Variants in ROCK1 observed in about 807,000 individuals in gnomAD.
ROCK1 encodes the protein Rho associated coiled-coil containing protein kinase 1, also known as rho-associated protein kinase 1.
A neutral mutation model predicts 196.8 loss-of-function variants in ROCK1; 36 were observed. The ratio of observed to expected loss-of-function variants is 0.18; its 90% CI spans 0.14 to 0.24. The LOEUF (loss-of-function observed/expected upper bound fraction) is 0.24, where lower values mean the gene tolerates loss of function less well. ROCK1 is among the 10% of genes least tolerant of loss of function. ROCK1 has a pLI of 1.00. For synonymous variants in ROCK1, 443 were observed against 515.9 expected (o/e 0.86, Z 1.91); for missense variants, 920 against 1,562.0 (o/e 0.59, Z 6.93).
intron 16 of ROCK1, among the ~76,000 whole-genome samples, chr18:21,002,904 C>T (rs888149117): frequency 5.3e-5 from 8 of 151,924 alleles, no homozygotes; most frequent in African/African-American, 1.2e-4. Flanking sequence ...CCATACCTCG[C>T]TAATTTTTTA....
intron 27 of ROCK1, among the ~76,000 whole-genome samples, chr18:20,964,433 G>C (rs777401568): frequency 6.6e-6 from 1 of 151,886 alleles, no homozygotes; most frequent in Non-Finnish European, 1.5e-5. Flanking sequence ...GTAAATGGTG[G>C]ATTTAATACA....
chr18:21,042,370 TA>T (rs1158658068), intron 7 of ROCK1, 135 bp from the exon 8 acceptor site: 8 of 981,432 alleles, frequency 8.2e-6, no homozygotes, highest in Non-Finnish European at 1.2e-5. Flanking sequence ...ACCTAATATA[TA>T]AAAGAACACA....
Position 21,041,024 on chromosome 18 carries a change from G to A in ROCK1, c.959+1073C>T, listed in dbSNP as rs148515550. On this transcript the variant is annotated intron_variant, in intron 8 of 32. Transcript: ENST00000399799. The stretch of plus-strand genomic sequence containing the variant: ...TAGTCACAGCTACTTGGGAGGCTGA[G>A]GCAGGAGAATCACTTGAATCCGGGA... Among the ~76,000 whole-genome samples the A allele has an allele frequency of 9.8e-3, 1,487 of 152,048 alleles. 19 individuals are homozygous for A. Among genetic ancestry groups the A allele is most frequent in the African/African-American group, 0.034 (1,428 of 41,474 alleles).
At position 20,967,872 on chromosome 18, in the gene ROCK1, T is replaced by A. The variant is rs180848671; in HGVS notation, c.3072A>T (p.Thr1024=). Residue 1024 remains threonine (T), a synonymous_variant, in exon 26 of 33, where the codon ACA becomes ACT. Transcript: ENST00000399799. ...DFKIDRKKAN[T]QDLRKKEKEN... The stretch of plus-strand genomic sequence containing the variant: ...CCTTTTCTTTCTTTCTCAAATCTTG[T>A]GTATTAGCTTTCTTTCTATCAATTT... The A allele has an allele frequency of 6.2e-7, 1 of 1,602,240 alleles. No homozygotes were observed. The highest frequency in any genetic ancestry group is 1.3e-5 in the African/African-American group (1 of 74,652).
At chr18:20,957,889 C>T (rs2035261029) in intron 29 of ROCK1, among the ~76,000 whole-genome samples, 1 of 152,034 alleles carries the variant, frequency 6.6e-6, no homozygotes, top group African/African-American at 2.4e-5. Context: ...CTCAGGCCAA[C>T]CGCCCACCTT....
At chr18:21,085,788 T>A (rs1481414471) in intron 1 of ROCK1, among the ~76,000 whole-genome samples, 8 of 152,240 alleles carry the variant, frequency 5.3e-5, no homozygotes, top group African/African-American at 1.9e-4. Flanking sequence ...AATGTTCTCA[T>A]CTGTAAAACA....
intron 1 of ROCK1, among the ~76,000 whole-genome samples, chr18:21,106,095 C>T (rs554669440): frequency 6.6e-6 from 1 of 152,290 alleles, no homozygotes; most frequent in East Asian, 1.9e-4. Context: ...TAGAACTCAA[C>T]AGGCACTATT....
intron 2 of ROCK1, among the ~76,000 whole-genome samples, chr18:21,068,144 TAAGGA>T (rs1383823289): frequency 2.0e-5 from 3 of 152,228 alleles, no homozygotes; most frequent in Admixed American, 2.0e-4. Context: ...AAAACTTGCC[TAAGGA>T]AAGTGGCAAA....
chr18:21,074,912 T>C (rs1413558008), intron 1 of ROCK1, among the ~76,000 whole-genome samples: 1 of 151,784 alleles, frequency 6.6e-6, no homozygotes, highest in Non-Finnish European at 1.5e-5. Context: ...TATGAAGGAA[T>C]AAGACAGAAG....
At chr18:21,104,227 T>G (rs1304867708) in intron 1 of ROCK1, among the ~76,000 whole-genome samples, 3 of 152,222 alleles carry the variant, frequency 2.0e-5, no homozygotes, top group South Asian at 4.1e-4. Context: ...TGTAAAGTTA[T>G]GCAAAGTCTA....
chr18:20,968,170 T>A (rs16978270), intron 25 of ROCK1, among the ~76,000 whole-genome samples: 1 of 152,174 alleles, frequency 6.6e-6, no homozygotes, highest in Non-Finnish European at 1.5e-5. Flanking sequence ...TACAACCCAG[T>A]ACTGAATCAA....
chr18:21,101,182 G>T (rs1219894670), intron 1 of ROCK1, among the ~76,000 whole-genome samples: 1 of 152,202 alleles, frequency 6.6e-6, no homozygotes, highest in Admixed American at 6.5e-5. Flanking sequence ...ACTCTTAACA[G>T]AGGAATTACA....
chr18:21,012,052 T>TAGCCTC (rs1285603572), intron 13 of ROCK1, among the ~76,000 whole-genome samples: 3 of 152,138 alleles, frequency 2.0e-5, no homozygotes, highest in Admixed American at 6.6e-5. Flanking sequence ...AGCAGTTCTC[T>TAGCCTC]AGCCTCAGCC....
At chr18:20,966,164 C>T (rs1483179317) in intron 27 of ROCK1, among the ~76,000 whole-genome samples, 2 of 152,080 alleles carry the variant, frequency 1.3e-5, no homozygotes, top group Non-Finnish European at 1.5e-5. Context: ...TATGTAAATG[C>T]ATGTTTTAAT....
intron 1 of ROCK1, among the ~76,000 whole-genome samples, chr18:21,085,255 T>G (rs1440111697): frequency 7.9e-5 from 11 of 139,082 alleles, no homozygotes; most frequent in African/African-American, 2.6e-4. Flanking sequence ...TGCAGTGGCA[T>G]GCACCTGTAA....
intron 26 of ROCK1, 71 bp from the exon 27 acceptor site, chr18:20,967,147 A>G (rs2035381814): frequency 9.5e-7 from 1 of 1,048,032 alleles, no homozygotes; most frequent in South Asian, 1.5e-5. Flanking sequence ...TTGAAATATG[A>G]TAATTTAAAT....
At chr18:20,956,712 T>C (rs2035245474) in intron 29 of ROCK1, among the ~76,000 whole-genome samples, 1 of 152,108 alleles carries the variant, frequency 6.6e-6, no homozygotes, top group Non-Finnish European at 1.5e-5. Context: ...CTGATCCTCA[T>C]TAAAAGACAC....
At chr18:20,955,086 T>G (rs2035229196) in intron 30 of ROCK1, 42 bp from the exon 31 acceptor site, 1 of 1,533,334 alleles carries the variant, frequency 6.5e-7, no homozygotes, top group Admixed American at 2.2e-5. Flanking sequence ...TTAAAAATCT[T>G]AAGCATTGGT....
At position 21,111,324 on chromosome 18, in the gene ROCK1, G is replaced by A; in HGVS notation, c.-414C>T. The A allele has an allele frequency of 2.2e-6, 1 of 452,570 alleles. No individual in the cohort carries two copies. Among genetic ancestry groups the A allele is most frequent in the Non-Finnish European group, 3.9e-6 (1 of 258,762 alleles). 28.0% of individuals were successfully genotyped at this position (452,570 alleles called of 1,614,324 possible). ...AGACTCCCTCCGGGCAACAAGGGAG[G>A]GAGAAGAGGAAAGGCGAAAGCAAAG... On this transcript the variant is annotated 5_prime_UTR_variant, in exon 1 of 33. Coordinates refer to ENST00000399799, the MANE Select transcript of ROCK1 (RefSeq NM_005406.3). The surrounding 1 kb of genome is among the most constrained non-coding windows in gnomAD (Gnocchi z 4.2).
Sources: gnomAD v4.1 joint callset for allele counts (sites outside exome capture counted in the v4.1 genomes callset) on GRCh38, gnomAD v4.1.1 for gene constraint, Gnocchi (gnomAD v3.1) non-coding constraint, MANE v1.5 for transcripts, NCBI Gene and HGNC (gene_info 2026-07-23, HGNC 2026-07-21) for gene names.